Variants in CDH8 observed in about 807,000 individuals in gnomAD.
The protein encoded by CDH8 is cadherin-8.
A neutral mutation model predicts 68.1 loss-of-function variants in CDH8; 17 were observed. That is an observed-to-expected ratio of 0.25 (90% CI 0.17 to 0.37). The LOEUF (loss-of-function observed/expected upper bound fraction) is 0.37. Ranked by LOEUF, CDH8 falls within the 10% of genes least tolerant of loss-of-function variation. The pLI, the probability that CDH8 is intolerant of heterozygous loss-of-function variation, is 1.00. For missense variants in CDH8, 763 were observed against 999.3 expected, an observed-to-expected ratio of 0.76 and a Z score of 3.19; for synonymous variants, 372 against 365.1, an observed-to-expected ratio of 1.02 and a Z score of -0.21.
At chr16:61,706,125 C>G (rs981274468) in intron 10 of CDH8, among the ~76,000 whole-genome samples, 1 of 152,160 alleles carries the variant, frequency 6.6e-6, no homozygotes, top group East Asian at 1.9e-4. Context: ...ATGTGTTTGC[C>G]TTAGCAGTTA....
At chr16:61,733,994 T>G (rs1292888917) in intron 8 of CDH8, among the ~76,000 whole-genome samples, 9 of 152,056 alleles carry the variant, frequency 5.9e-5, no homozygotes, top group African/African-American at 2.2e-4. Context: ...ATCTACTCTC[T>G]GCCCTCATTT....
At chr16:61,962,101 G>A (rs1485683224) in intron 2 of CDH8, among the ~76,000 whole-genome samples, 1 of 152,192 alleles carries the variant, frequency 6.6e-6, no homozygotes, top group Admixed American at 6.5e-5. Context: ...TGCATGAAGT[G>A]GAAGTGGATT....
At chr16:61,915,059 C>CTAGTG (rs1964217684) in intron 2 of CDH8, among the ~76,000 whole-genome samples, 1 of 152,180 alleles carries the variant, frequency 6.6e-6, no homozygotes, top group Non-Finnish European at 1.5e-5. Context: ...TATGAAGTAG[C>CTAGTG]TAGTGACTTT....
intron 7 of CDH8, among the ~76,000 whole-genome samples, chr16:61,815,457 G>C (rs570678386): frequency 2.0e-5 from 3 of 152,262 alleles, no homozygotes; most frequent in African/African-American, 7.2e-5. Context: ...TTTATAGCTA[G>C]CTCTGCCAAT....
chr16:61,653,210 A>G lies in CDH8; in HGVS notation c.*398T>C, dbSNP rs1963363528. 1.7e-6 allele frequency: 2 copies of G among 1,205,698 alleles called. No individual in the cohort carries two copies. The highest frequency in any genetic ancestry group is 2.1e-6 in the Non-Finnish European group (2 of 972,962). The allele number at this position is 1,205,698 out of a possible 1,614,324, so 74.7% of individuals were successfully genotyped here. A position where few individuals can be genotyped will look rare whatever the true frequency, so the allele number is the denominator to read the frequency against. On this transcript the variant is annotated 3_prime_UTR_variant, in exon 12 of 12. Transcript: ENST00000577390. The stretch of plus-strand genomic sequence containing the variant: ...CATTTGCATTCATAAAAATCCTTGC[A>G]GAAGACACATATCAGCAGCAGATTC...
chr16:61,990,913 G>A (rs974941739), intron 2 of CDH8, among the ~76,000 whole-genome samples: 1 of 150,720 alleles, frequency 6.6e-6, no homozygotes, highest in Non-Finnish European at 1.5e-5. Flanking sequence ...GAAGGAAAAG[G>A]AAGGAGGGAA....
chr16:61,804,015 AT>A (rs761266517), intron 7 of CDH8, among the ~76,000 whole-genome samples: 4 of 119,782 alleles, frequency 3.3e-5, no homozygotes, highest in African/African-American at 7.0e-5. Flanking sequence ...CAGAATATAC[AT>A]TTTTTTCAGC....
rs145678391 is a variant in CDH8, at chr16:61,746,001, C to T, written c.1415-18786G>A. ...TAGATCAATTTGATACCACTAAGAC[C>T]GGATTTCAGAATTATGGGGATTAAT... On this transcript the variant is annotated intron_variant, in intron 8 of 11. Transcript: ENST00000577390. Among the ~76,000 whole-genome samples the T allele has an allele frequency of 3.6e-3, 546 of 152,110 alleles. 6 individuals are homozygous for T. The highest frequency in any genetic ancestry group is 0.028 in the East Asian group (146 of 5,170).
intron 8 of CDH8, among the ~76,000 whole-genome samples, chr16:61,740,665 T>C (rs190802093): frequency 6.6e-6 from 1 of 152,306 alleles, no homozygotes; most frequent in East Asian, 1.9e-4. Context: ...CATATTTGCA[T>C]GTAGATGCTT....
At chr16:61,869,983 ATTTTTC>A (rs1249623089) in intron 3 of CDH8, among the ~76,000 whole-genome samples, 1 of 152,078 alleles carries the variant, frequency 6.6e-6, no homozygotes, top group Non-Finnish European at 1.5e-5. Flanking sequence ...CAGCTGCGAC[ATTTTTC>A]TTTTTAACAT....
At chr16:61,910,390 A>G (rs1964140373) in intron 2 of CDH8, among the ~76,000 whole-genome samples, 1 of 151,002 alleles carries the variant, frequency 6.6e-6, no homozygotes, top group African/African-American at 2.4e-5. Flanking sequence ...ATATTTTCTT[A>G]TGTATGCTGA....
At chr16:61,717,010 A>G (rs907222532) in intron 9 of CDH8, among the ~76,000 whole-genome samples, 4 of 151,670 alleles carry the variant, frequency 2.6e-5, no homozygotes, top group Non-Finnish European at 5.9e-5. Context: ...GTAGAGGGCA[A>G]CTGGAGACCA....
intron 1 of CDH8, among the ~76,000 whole-genome samples, chr16:62,023,388 T>C (rs911755307): frequency 2.0e-5 from 3 of 152,148 alleles, no homozygotes; most frequent in Non-Finnish European, 4.4e-5. Flanking sequence ...TCTGTAATGA[T>C]GGACAAGATA....
chr16:61,982,186 G>A (rs1965544020), intron 2 of CDH8, among the ~76,000 whole-genome samples: 1 of 151,926 alleles, frequency 6.6e-6, no homozygotes, highest in African/African-American at 2.4e-5. Flanking sequence ...GCAAGAAACA[G>A]AATTCTCTAC....
At chr16:61,749,038 T>C (rs1431460320) in intron 8 of CDH8, among the ~76,000 whole-genome samples, 1 of 152,120 alleles carries the variant, frequency 6.6e-6, no homozygotes, top group Non-Finnish European at 1.5e-5. Flanking sequence ...ATACTGGCTC[T>C]TCAAGCCCAG....
intron 2 of CDH8, among the ~76,000 whole-genome samples, chr16:61,917,291 G>T (rs1358606781): frequency 6.6e-6 from 1 of 152,128 alleles, no homozygotes; most frequent in Non-Finnish European, 1.5e-5. Context: ...AACCAATTCA[G>T]TTCTCCCTGC....
At chr16:61,688,863 T>A (rs1479262042) in intron 10 of CDH8, among the ~76,000 whole-genome samples, 1 of 151,950 alleles carries the variant, frequency 6.6e-6, no homozygotes, top group Non-Finnish European at 1.5e-5. Flanking sequence ...ATAAAAAATC[T>A]CGAAGTCATT....
At chr16:61,699,477 C>G (rs1183967016) in intron 10 of CDH8, among the ~76,000 whole-genome samples, 1 of 152,134 alleles carries the variant, frequency 6.6e-6, no homozygotes, top group African/African-American at 2.4e-5. Context: ...CCTTTGCTTC[C>G]TTACAATTTT....
intron 3 of CDH8, among the ~76,000 whole-genome samples, chr16:61,862,135 T>TCA (rs3069990): frequency 0.055 from 8,030 of 146,234 alleles, 245 homozygotes; most frequent in Non-Finnish European, 0.079. Flanking sequence ...CAAACACCAC[T>TCA]CACACACACA....
Sources: gnomAD v4.1 joint callset for allele counts (sites outside exome capture counted in the v4.1 genomes callset) on GRCh38, gnomAD v4.1.1 for gene constraint, MANE v1.5 for transcripts, NCBI Gene and HGNC (gene_info 2026-07-23, HGNC 2026-07-21) for gene names.